Variants in FANCI observed in about 807,000 individuals in gnomAD.
FANCI encodes Fanconi anemia group I protein.
Under a neutral mutation model 176.1 loss-of-function variants are expected in FANCI, and 156 were observed. The ratio of observed to expected loss-of-function variants is 0.89; its 90% confidence interval spans 0.78 to 1.01. The LOEUF is 1.01. Ranked by LOEUF, FANCI falls within the 50% of genes least tolerant of loss-of-function variation. FANCI has a pLI of 0.00. For missense variants in FANCI, 1,678 were observed against 1,534.1 expected, an observed-to-expected ratio of 1.09 and a Z score of -1.57; for synonymous variants, 613 against 541.7, an observed-to-expected ratio of 1.13 and a Z score of -1.83.
intron 12 of FANCI, among the ~76,000 whole-genome samples, chr15:89,275,090 T>C (rs2053360423): frequency 6.8e-6 from 1 of 147,628 alleles, no homozygotes; most frequent in African/African-American, 2.5e-5. Context: ...CTTCTTTTTT[T>C]TTTTTTTTTT....
chr15:89,255,819 A>C (rs1190343269), intron 2 of FANCI, among the ~76,000 whole-genome samples: 1 of 152,214 alleles, frequency 6.6e-6, no homozygotes, highest in African/African-American at 2.4e-5. Flanking sequence ...CATGGTCAAA[A>C]GAAAGACTGA....
chr15:89,256,848 A>T (rs1394674765), intron 2 of FANCI, among the ~76,000 whole-genome samples: 1 of 152,158 alleles, frequency 6.6e-6, no homozygotes, highest in Non-Finnish European at 1.5e-5. Flanking sequence ...AGATGGTGCC[A>T]CTATCCACCA....
At chr15:89,304,003 C>T (rs2054619872) in intron 28 of FANCI, 88 bp downstream of exon 28, 8 of 1,268,700 alleles carry the variant, frequency 6.3e-6, no homozygotes, top group Non-Finnish European at 9.2e-6. Flanking sequence ...ATTCCCCATT[C>T]ATTACACATT....
intron 26 of FANCI, among the ~76,000 whole-genome samples, chr15:89,300,744 T>G (rs1410175465): frequency 1.3e-5 from 2 of 152,254 alleles, no homozygotes; most frequent in Admixed American, 6.5e-5. Flanking sequence ...CAATAAAGTT[T>G]GTTAGTTTCT....
At chr15:89,278,035 A>G (rs2053473424) in intron 13 of FANCI, among the ~76,000 whole-genome samples, 1 of 152,196 alleles carries the variant, frequency 6.6e-6, no homozygotes, top group South Asian at 2.1e-4. Flanking sequence ...ATTATCTTAG[A>G]GTATGTTTTT....
rs1356813608 is a variant in FANCI, at chr15:89,261,734, T to C, written c.438T>C (p.Tyr146=). Residue 146 remains tyrosine, a synonymous_variant, in exon 5 of 38, where the codon TAT becomes TAC. Transcript: ENST00000310775. ...CTACGAAAAAGGAAAATCTGGCTTA[T>C]GGAAAAGGTAATTTTCTTCCGACTT... is the stretch of plus-strand genomic sequence containing the variant. ...ALATKKENLA[Y]GKGVLSGEEC... The C allele has an allele frequency of 3.7e-6, 6 of 1,614,178 alleles. No individual in the cohort carries two copies. Among genetic ancestry groups the C allele is most frequent in the Non-Finnish European group, 5.1e-6 (6 of 1,180,010 alleles).
chr15:89,283,997 G>C (rs577400634), intron 17 of FANCI, among the ~76,000 whole-genome samples: 5 of 151,924 alleles, frequency 3.3e-5, no homozygotes, highest in African/African-American at 1.2e-4. Flanking sequence ...TCCTGACCTC[G>C]TGATCCACCC....
chr15:89,255,812 G>A (rs2052469437), intron 2 of FANCI, among the ~76,000 whole-genome samples: 1 of 152,144 alleles, frequency 6.6e-6, no homozygotes, highest in Non-Finnish European at 1.5e-5. Context: ...AACTGAACAT[G>A]GTCAAAAGAA....
chr15:89,291,604 T>C lies in FANCI; in HGVS notation c.1891-9T>C. ...AGCCAAGATGTCTTTTTTTTCTTACTATACACAGTTAAAACAGTTCTATGA... is the reference window on the plus strand; with the variant it reads ...AGCCAAGATGTCTTTTTTTTCTTACCATACACAGTTAAAACAGTTCTATGA... On this transcript the variant is annotated splice_polypyrimidine_tract_variant and intron_variant, in intron 19 of 37. Transcript: ENST00000310775. The C allele has an allele frequency of 6.2e-7, 1 of 1,609,976 alleles. No homozygotes were observed. Among genetic ancestry groups the C allele is most frequent in the Non-Finnish European group, 8.5e-7 (1 of 1,176,412 alleles).
rs1471610336 is a variant in FANCI, at chr15:89,264,556, C to CCTT, written c.709_711dup (p.Phe237dup). ...AAGAGTGTTTTGGAAGGAATCATAG[C>CCTT]CTTCTTCAGTGCACTAGATAAGCAG... is the stretch of plus-strand genomic sequence containing the variant. On this transcript the variant is annotated inframe_insertion, in exon 9 of 38. Transcript: ENST00000310775. 6.2e-7 allele frequency: 1 copy of CCTT among 1,613,726 alleles called. No homozygotes were observed. Among genetic ancestry groups the CCTT allele is most frequent in the South Asian group, 1.1e-5 (1 of 91,066 alleles).
chr15:89,316,738 C>T lies in FANCI; in HGVS notation c.*279C>T, dbSNP rs772034613. 7 of 1,603,346 alleles carry T rather than the reference C, an allele frequency of 4.4e-6. No homozygotes were observed. The South Asian group carries it at 7.7e-5, about 18-fold the overall frequency. On this transcript the variant is annotated 3_prime_UTR_variant, in exon 38 of 38. Coordinates refer to ENST00000310775, the MANE Select transcript of FANCI (RefSeq NM_001113378.2). ...AAGCTCCACGGGAGCAAATACAGAGCCTCCAGGCAGTGCTATGGTCCAGGC... is the reference window on the plus strand; with the variant it reads ...AAGCTCCACGGGAGCAAATACAGAGTCTCCAGGCAGTGCTATGGTCCAGGC...
At chr15:89,305,289 T>C in intron 29 of FANCI, 47 bp downstream of exon 29, 2 of 1,613,944 alleles carry the variant, frequency 1.2e-6, no homozygotes, top group Middle Eastern at 3.3e-4. Flanking sequence ...GGGATGGGGG[T>C]CAAGGGAACA....
chr15:89,268,750 A>G (rs1038043209), intron 10 of FANCI: 8 of 510,560 alleles, frequency 1.6e-5, no homozygotes, highest in Non-Finnish European at 2.8e-5. Flanking sequence ...TCCTTAAGCA[A>G]GCCAGAAAGT....
chr15:89,274,216 C>T lies in FANCI; in HGVS notation c.1024C>T (p.Gln342Ter), dbSNP rs886376531. Reference sequence around the variant, plus strand: ...GGTTGTAAAGAGCTTTAAGGATCTTCAACTCCTCCAAGGCTCAAAATTTCT... The same window carrying T: ...GGTTGTAAAGAGCTTTAAGGATCTTTAACTCCTCCAAGGCTCAAAATTTCT... Reference protein sequence around the residue: ...TSVVKSFKDLQLLQGSKFLQN... With the variant: ...TSVVKSFKDL The change falls in exon 12 of 38, where the codon CAA becomes TAA. Residue 342 changes from glutamine (Q) to a stop codon, truncating the protein, a stop_gained. Coordinates refer to ENST00000310775, the MANE Select transcript of FANCI (RefSeq NM_001113378.2). LOFTEE classifies it high-confidence loss of function. 6.2e-7 allele frequency: 1 copy of T among 1,605,200 alleles called. No individual in the cohort carries two copies. The highest frequency in any genetic ancestry group is 1.3e-5 in the African/African-American group (1 of 74,880).
rs765608250 is a variant in FANCI at position 89,303,850 on chromosome 15, GA to G, written c.3007-13del. On this transcript the variant is annotated splice_polypyrimidine_tract_variant and intron_variant, in intron 27 of 37. Transcript: ENST00000310775. ...TGGCATGTTTCTTTAATATCTGAATGATCTCTAATTTAGTTTGTGCAGATGT... is the reference window on the plus strand; with the variant it reads ...TGGCATGTTTCTTTAATATCTGAATGTCTCTAATTTAGTTTGTGCAGATGT... 1 of 1,611,782 alleles carries G rather than the reference GA, an allele frequency of 6.2e-7. No individual in the cohort carries two copies. The highest frequency in any genetic ancestry group is 1.3e-5 in the African/African-American group (1 of 74,856).
rs188704773 is a variant in FANCI, at chr15:89,253,789, G to T, written c.85-4915G>T. On this transcript the variant is annotated intron_variant, in intron 2 of 37. Transcript: ENST00000310775. ...TCCCTAATTCATAAATAACTTGTGGGGGGGGGGGGGAAGATAAACTGTATT... is the reference window on the plus strand; with the variant it reads ...TCCCTAATTCATAAATAACTTGTGGTGGGGGGGGGGAAGATAAACTGTATT... 8.3e-5 allele frequency among the ~76,000 whole-genome samples: 9 copies of T among 108,640 alleles called. No homozygotes were observed. The East Asian group carries it at 9.9e-4, about 12-fold the overall frequency. The allele number at this position is 108,640 out of a possible 152,430, so 71.3% of individuals were successfully genotyped here.
intron 34 of FANCI, among the ~76,000 whole-genome samples, chr15:89,311,294 C>T (rs975650976): frequency 1.3e-5 from 2 of 152,044 alleles, no homozygotes; most frequent in Non-Finnish European, 2.9e-5. Context: ...TAGTGCGTGC[C>T]TGTAATCCCA....
At chr15:89,312,061 CCTT>C (rs1417367531) in intron 34 of FANCI, among the ~76,000 whole-genome samples, 1 of 152,096 alleles carries the variant, frequency 6.6e-6, no homozygotes, top group African/African-American at 2.4e-5. Flanking sequence ...CCCTTTTAAC[CCTT>C]CTTGAGCATG....
At chr15:89,268,693 A>G (rs2053076901) in intron 10 of FANCI, 168 bp downstream of exon 10, 1 of 731,118 alleles carries the variant, frequency 1.4e-6, no homozygotes, top group South Asian at 1.8e-5. Flanking sequence ...ACATGATGTT[A>G]CCACACTCCC....
Sources: gnomAD v4.1 joint callset for allele counts (sites outside exome capture counted in the v4.1 genomes callset) on GRCh38, gnomAD v4.1.1 for gene constraint, MANE v1.5 for transcripts, NCBI Gene and HGNC (gene_info 2026-07-23, HGNC 2026-07-21) for gene names.